The following SYNE1 variants were observed in gnomAD, a reference collection of about 807,000 sequenced individuals.
SYNE1 encodes the protein spectrin repeat containing nuclear envelope protein 1.
A neutral mutation model predicts 1,111.0 loss-of-function variants in SYNE1; 616 were observed. The observed-to-expected ratio is 0.55, with a 90% CI of 0.52 to 0.59. The LOEUF is 0.59. Ranked by LOEUF, SYNE1 falls within the 20% of genes least tolerant of loss-of-function variation. The pLI is 0.00. For synonymous variants in SYNE1, 3,855 were observed against 3,825.8 expected, an observed-to-expected ratio of 1.01 and a Z score of -0.28; for missense variants, 10,006 against 10,417.0, an observed-to-expected ratio of 0.96 and a Z score of 1.72.
chr6:152,268,179 A>G lies in SYNE1; in HGVS notation c.18706-14T>C. The G allele has an allele frequency of 1.3e-6, 2 of 1,599,514 alleles. No individual in the cohort carries two copies. The highest frequency in any genetic ancestry group is 1.7e-6 in the Non-Finnish European group (2 of 1,166,644). The stretch of plus-strand genomic sequence containing the variant: ...CTGTTCTAACTCCTGCTCAAGGGAA[A>G]GGACAAACGCAAACACATTTGCTAC... On this transcript the variant is annotated splice_polypyrimidine_tract_variant and intron_variant, in intron 99 of 145. Coordinates refer to ENST00000367255, the MANE Select transcript of SYNE1 (RefSeq NM_182961.4).
chr6:152,135,231 C>T lies in SYNE1; in HGVS notation c.25661G>A (p.Gly8554Asp), dbSNP rs2056783236. The change falls in exon 142 of 146, where the codon GGT becomes GAT. Residue 8554 changes from glycine (G) to aspartate (D), a missense_variant and splice_region_variant. By Grantham distance (94) the Gly-to-Asp change is moderately conservative (BLOSUM62 -1). Coordinates refer to ENST00000367255, the MANE Select transcript of SYNE1 (RefSeq NM_182961.4). ...CAAACCATGGCTCATTTCATGGAAA[C>T]CCTACAGAAAACAGTTTAAAGTAAC... ...LLQDALMQCQ[G>D]FHEMSHGLLL... 1.2e-6 allele frequency: 2 copies of T among 1,613,972 alleles called. No homozygotes were observed. Among genetic ancestry groups the T allele is most frequent in the Non-Finnish European group, 1.7e-6 (2 of 1,179,952 alleles).
At chr6:152,497,959 C>T (rs1271525942) in intron 11 of SYNE1, among the ~76,000 whole-genome samples, 4 of 152,286 alleles carry the variant, frequency 2.6e-5, no homozygotes, top group Middle Eastern at 3.4e-3. Flanking sequence ...CTCATACACA[C>T]ACACACACAA....
Position 152,321,793 on chromosome 6 carries a change from A to G in SYNE1, c.16011T>C (p.Cys5337=), listed in dbSNP as rs936603713. ...AATATTCTTTCGTTTCCTGAACCCA[A>G]CATTTCACAGAATTGATCTGAGTCT... ...MVETQINSVK[C]WVQETKEYLG... is the part of the protein sequence containing the mutation. The change falls in exon 83 of 146, where the codon TGT becomes TGC. Residue 5337 remains cysteine, a synonymous_variant. Coordinates refer to ENST00000367255, the MANE Select transcript of SYNE1 (RefSeq NM_182961.4). 29 of 1,613,972 alleles carry G rather than the reference A, an allele frequency of 1.8e-5. No individual in the cohort carries two copies. The highest frequency in any genetic ancestry group is 2.5e-5 in the Non-Finnish European group (29 of 1,179,946).
chr6:152,286,558 A>C (rs1025650983), intron 95 of SYNE1, among the ~76,000 whole-genome samples: 10 of 152,170 alleles, frequency 6.6e-5, no homozygotes, highest in African/African-American at 2.2e-4. Context: ...ATCTCATTGT[A>C]ATTTTAATTT....
intron 105 of SYNE1, among the ~76,000 whole-genome samples, chr6:152,247,224 T>G (rs1323082585): frequency 6.6e-6 from 1 of 152,158 alleles, no homozygotes; most frequent in African/African-American, 2.4e-5. Context: ...TTGAGTGAGG[T>G]GTGTCTTCCC....
intron 3 of SYNE1, chr6:152,546,820 G>T (rs1321827830): frequency 6.6e-6 from 1 of 152,094 alleles, no homozygotes; most frequent in Admixed American, 6.6e-5. Context: ...TGTAGAAAGA[G>T]GTCTTGTATT....
chr6:152,396,742 A>G (rs1374530811), intron 50 of SYNE1, 33 bp downstream of exon 50: 2 of 1,586,256 alleles, frequency 1.3e-6, no homozygotes, highest in Middle Eastern at 1.7e-4. Context: ...CACTTGGTGT[A>G]TGATGAAATC....
At chr6:152,296,674 T>C (rs1027807312) in intron 93 of SYNE1, among the ~76,000 whole-genome samples, 8 of 152,258 alleles carry the variant, frequency 5.3e-5, no homozygotes, top group African/African-American at 1.7e-4. Flanking sequence ...GTGTGGCTTA[T>C]ACAATGTTTT....
intron 104 of SYNE1, among the ~76,000 whole-genome samples, chr6:152,251,745 C>T (rs955673230): frequency 1.4e-4 from 21 of 151,322 alleles, no homozygotes; most frequent in Admixed American, 3.3e-4. Flanking sequence ...GGTGACAGAG[C>T]GAGACTCCGT....
intron 140 of SYNE1, among the ~76,000 whole-genome samples, chr6:152,138,412 G>A (rs913871211): frequency 3.3e-5 from 5 of 151,940 alleles, no homozygotes; most frequent in Non-Finnish European, 7.4e-5. Context: ...TCAGGAGGCC[G>A]AGGCAGGAGA....
chr6:152,335,850 C>T (rs2096375392), intron 76 of SYNE1: 1 of 151,832 alleles, frequency 6.6e-6, no homozygotes, highest in Non-Finnish European at 1.5e-5. Context: ...CCACGCAAGG[C>T]TAATTTTTGT....
chr6:152,338,148 CAAAATAAAAT>C (rs541717579), intron 75 of SYNE1, among the ~76,000 whole-genome samples: 1 of 151,496 alleles, frequency 6.6e-6, no homozygotes, highest in Non-Finnish European at 1.5e-5. Flanking sequence ...ACTCTTTCTC[CAAAATAAAAT>C]AAAATAAAAT....
At chr6:152,488,969 T>C (rs1400645014) in intron 11 of SYNE1, among the ~76,000 whole-genome samples, 2 of 152,150 alleles carry the variant, frequency 1.3e-5, no homozygotes, top group African/African-American at 4.8e-5. Context: ...TAAACTGATA[T>C]TAGGTATTAC....
At chr6:152,316,812 T>C (rs2095736643) in intron 87 of SYNE1, 37 bp downstream of exon 87, 1 of 1,613,012 alleles carries the variant, frequency 6.2e-7, no homozygotes, top group Non-Finnish European at 8.5e-7. Context: ...CAAATTGCCC[T>C]TGGTTACTTT....
intron 3 of SYNE1, among the ~76,000 whole-genome samples, chr6:152,591,995 G>T (rs1355825317): frequency 6.6e-6 from 1 of 151,966 alleles, no homozygotes; most frequent in African/African-American, 2.4e-5. Context: ...AGTCAGAATG[G>T]ATCTTATTAA....
intron 30 of SYNE1, 27 bp from the exon 31 acceptor site, chr6:152,442,272 T>G: frequency 6.2e-7 from 1 of 1,610,896 alleles, no homozygotes. Flanking sequence ...AACAGATGGA[T>G]ATAAATTGTG....
At chr6:152,458,575 C>T (rs1468805834) in intron 22 of SYNE1, among the ~76,000 whole-genome samples, 182 bp downstream of exon 22, 1 of 152,138 alleles carries the variant, frequency 6.6e-6, no homozygotes, top group Non-Finnish European at 1.5e-5. Context: ...CTCACATAGC[C>T]CCTGCACTGA....
chr6:152,196,968 G>T (rs973220173), intron 127 of SYNE1, among the ~76,000 whole-genome samples: 1 of 152,166 alleles, frequency 6.6e-6, no homozygotes, highest in African/African-American at 2.4e-5. Context: ...TGGGATGGGA[G>T]CTTCCCCTTT....
intron 130 of SYNE1, chr6:152,167,774 C>T (rs2063993718): frequency 1.8e-6 from 1 of 560,586 alleles, no homozygotes; most frequent in African/African-American, 1.9e-5. Flanking sequence ...AGATGATGGA[C>T]TAACTGAGTC....
Sources: gnomAD v4.1 joint callset for allele counts (sites outside exome capture counted in the v4.1 genomes callset) on GRCh38, gnomAD v4.1.1 for gene constraint, MANE v1.5 for transcripts, NCBI Gene and HGNC (gene_info 2026-07-23, HGNC 2026-07-21) for gene names.